Variants in SHF observed in about 807,000 individuals in gnomAD.
SHF encodes SH2 domain-containing adapter protein F.
Under a neutral mutation model 42.4 loss-of-function variants are expected in SHF, and 30 were observed. The ratio of observed to expected loss-of-function variants is 0.71; its 90% CI spans 0.53 to 0.96. The LOEUF (loss-of-function observed/expected upper bound fraction) is 0.96. Ranked by LOEUF, SHF falls within the 40% of genes least tolerant of loss-of-function variation. The pLI is 0.00. For synonymous variants in SHF, 264 were observed against 269.9 expected, an observed-to-expected ratio of 0.98 and a Z score of 0.21; for missense variants, 598 against 634.0, an observed-to-expected ratio of 0.94 and a Z score of 0.61.
chr15:45,198,773 G>C, exon 2 of SHF: 1 of 1,608,048 alleles, frequency 6.2e-7, no homozygotes, highest in Middle Eastern at 1.7e-4. Flanking sequence ...CCTACTTACG[G>C]GGCGAGGTTC....
At position 45,187,680 on chromosome 15, in the gene SHF, G is replaced by C; in HGVS notation, c.272C>G (p.Pro91Arg). The change falls in exon 1 of 7, where the codon CCG becomes CGG. Residue 91 changes from proline to arginine, a missense_variant. Around this residue, in one of 2 missense-constraint regions of SHF, gnomAD observed 159 missense variants for 109.3 expected, o/e 1.45. Coordinates refer to ENST00000690270, the MANE Select transcript of SHF (RefSeq NM_001394037.1). ...PSPAAPPAPPPDILAAYRLQR... is the reference protein window; with the variant it reads ...PSPAAPPAPPRDILAAYRLQR... Reference sequence around the variant, plus strand: ...CAGCCTGTAGGCGGCCAGGATGTCCGGGGGCGGCGCGGGGGGCGCGGCCGG... The same window carrying C: ...CAGCCTGTAGGCGGCCAGGATGTCCCGGGGCGGCGCGGGGGGCGCGGCCGG... 1.6e-6 allele frequency: 2 copies of C among 1,219,460 alleles called. No homozygotes were observed. Among genetic ancestry groups the C allele is most frequent in the Non-Finnish European group, 2.0e-6 (2 of 977,952 alleles). The allele number at this position is 1,219,460 out of a possible 1,614,324, so 75.5% of individuals were successfully genotyped here.
At chr15:45,197,994 G>T (rs1046013976) in intron 2 of SHF, among the ~76,000 whole-genome samples, 12 of 152,132 alleles carry the variant, frequency 7.9e-5, no homozygotes, top group Non-Finnish European at 1.5e-4. Flanking sequence ...GGTGGATAGG[G>T]TGAAAAATGA....
intron 1 of SHF, among the ~76,000 whole-genome samples, chr15:45,187,153 T>G (rs1706823): frequency 6.6e-6 from 1 of 152,112 alleles, no homozygotes; most frequent in African/African-American, 2.4e-5. Flanking sequence ...AAAAGGCTCA[T>G]GGATCAGGCT....
At chr15:45,181,949 A>G (rs1898149569) in intron 1 of SHF, among the ~76,000 whole-genome samples, 1 of 152,206 alleles carries the variant, frequency 6.6e-6, no homozygotes, top group Non-Finnish European at 1.5e-5. Flanking sequence ...CAAACTAGTA[A>G]AGTAGCTACT....
intron 2 of SHF, among the ~76,000 whole-genome samples, chr15:45,197,827 GAA>G (rs59128375): frequency 0.85 from 113,483 of 133,510 alleles, 50,050 homozygotes; most frequent in Non-Finnish European, 0.98. Flanking sequence ...ATCACCTCAG[GAA>G]AAAAAAAAAA....
rs1898968990 is a variant in SHF at position 45,198,833 on chromosome 15, T to C, written c.242A>G (p.Asn81Ser). Residue 81 changes from asparagine to serine, a missense_variant, in exon 2 of 8, where the codon AAC becomes AGC. Transcript: ENST00000290894. ...GCGCAGGCGCGTTGTACTCCGCCAG[T>C]TGCTTTTCTTCTTCTGTTTTGGCCC... 3.1e-6 allele frequency: 5 copies of C among 1,613,980 alleles called. No individual in the cohort carries two copies. In the East Asian group the frequency reaches 1.1e-4, roughly 36 times the overall value.
At chr15:45,198,171 G>A (rs1898928372) in intron 2 of SHF, among the ~76,000 whole-genome samples, 1 of 152,146 alleles carries the variant, frequency 6.6e-6, no homozygotes, top group Non-Finnish European at 1.5e-5. Flanking sequence ...CTACTCAGTT[G>A]GCTGAGGCAG....
intron 2 of SHF, among the ~76,000 whole-genome samples, chr15:45,195,489 A>T (rs1243308715): frequency 6.6e-6 from 1 of 152,026 alleles, no homozygotes. Context: ...TGTCCTTGAA[A>T]ACTTCTTCTA....
intron 2 of SHF, chr15:45,198,705 C>A: frequency 1.3e-6 from 2 of 1,536,972 alleles, no homozygotes; most frequent in Non-Finnish European, 1.7e-6. Flanking sequence ...TAGGGGTTGG[C>A]TTCTGATTAT....
chr15:45,178,038 G>A, intron 2 of SHF, 127 bp downstream of exon 2: 1 of 1,303,456 alleles, frequency 7.7e-7, no homozygotes, highest in Non-Finnish European at 1.0e-6. Context: ...TCCTCCCTAA[G>A]GACCTGGAAA....
upstream of SHF, among the ~76,000 whole-genome samples, chr15:45,188,391 T>TA (rs1898588504): frequency 6.6e-6 from 1 of 152,062 alleles, no homozygotes; most frequent in Non-Finnish European, 1.5e-5. Flanking sequence ...GAAACTATAA[T>TA]CTAGGAGGAA....
At chr15:45,200,836 G>T in exon 1 of SHF, 1 of 456,276 alleles carries the variant, frequency 2.2e-6, no homozygotes, top group Non-Finnish European at 4.4e-6. Context: ...TGATAGTCAG[G>T]GCATGGTGAG....
In SHF at chr15:45,187,598, G is replaced by A; in HGVS notation, c.354C>T (p.Ala118=). 1 of 1,230,382 alleles carries A rather than the reference G, an allele frequency of 8.1e-7. No individual in the cohort carries two copies. The highest frequency in any genetic ancestry group is 1.0e-6 in the Non-Finnish European group (1 of 987,074). The allele number at this position is 1,230,382 out of a possible 1,614,324, so 76.2% of individuals were successfully genotyped here. Residue 118 remains alanine, a synonymous_variant, in exon 1 of 7, where the codon GCC becomes GCT. Coordinates refer to ENST00000690270, the MANE Select transcript of SHF (RefSeq NM_001394037.1). ...PYSGGSSGSA[A]LATPVAPGPT... is the part of the protein sequence containing the mutation. ...GTCCGGGGGCGACAGGGGTGGCGAG[G>A]GCGGCGGAGCCGGACGACCCCCCGG...
chr15:45,181,697 C>T (rs1898135672), intron 1 of SHF, among the ~76,000 whole-genome samples: 1 of 151,834 alleles, frequency 6.6e-6, no homozygotes, highest in African/African-American at 2.4e-5. Context: ...CTAATGGCTG[C>T]AGGATCAGGC....
At position 45,198,119 on chromosome 15, in the gene SHF, A is replaced by C. The variant is rs113343484; in HGVS notation, c.303+653T>G. 1.2e-3 allele frequency among the ~76,000 whole-genome samples: 178 copies of C among 152,146 alleles called. 1 individual carries two copies. Among genetic ancestry groups the C allele is most frequent in the African/African-American group, 1.8e-3 (73 of 41,494 alleles). ...TTTTAAAATTAAAAAAACAAACAAA[A>C]AAAAATTATCCGAGCATGGTGGTGC... On this transcript the variant is annotated intron_variant, in intron 2 of 7. Transcript: ENST00000290894.
intron 2 of SHF, among the ~76,000 whole-genome samples, chr15:45,193,353 G>C (rs1898763885): frequency 6.6e-6 from 1 of 152,188 alleles, no homozygotes; most frequent in South Asian, 2.1e-4. Context: ...GTCTGGAAAG[G>C]TGGGACAACT....
At chr15:45,200,586 C>T in intron 1 of SHF, 1 of 387,452 alleles carries the variant, frequency 2.6e-6, no homozygotes, top group Non-Finnish European at 5.1e-6. Flanking sequence ...TTTGTTCTAG[C>T]CTATCTCCAC....
intron 6 of SHF, among the ~76,000 whole-genome samples, chr15:45,168,813 G>T (rs1348379873): frequency 6.6e-6 from 1 of 152,150 alleles, no homozygotes; most frequent in Admixed American, 6.5e-5. Flanking sequence ...GAGGAGACAT[G>T]CTCCTGCCTC....
intron 2 of SHF, among the ~76,000 whole-genome samples, chr15:45,193,504 T>C (rs149643344): frequency 6.6e-6 from 1 of 152,130 alleles, no homozygotes; most frequent in Admixed American, 6.5e-5. Flanking sequence ...TATGCCTTAG[T>C]CTGGTTTAGT....
Sources: gnomAD v4.1 joint callset for allele counts (sites outside exome capture counted in the v4.1 genomes callset) on GRCh38, gnomAD v4.1.1 for gene constraint, gnomAD v4.1.1 regional missense constraint, MANE v1.5 for transcripts, NCBI Gene and HGNC (gene_info 2026-07-23, HGNC 2026-07-21) for gene names.